The following RAG1 variants were observed in gnomAD, a reference collection of about 807,000 sequenced individuals.
RAG1 encodes V(D)J recombination-activating protein 1.
A neutral mutation model predicts 62.7 loss-of-function variants in RAG1; 35 were observed. The ratio of observed to expected loss-of-function variants is 0.56; its 90% confidence interval spans 0.43 to 0.74. The LOEUF (loss-of-function observed/expected upper bound fraction) is 0.74, where lower values mean the gene tolerates loss of function less well. Ranked by LOEUF, RAG1 falls within the 30% of genes least tolerant of loss-of-function variation. The pLI, the probability that RAG1 is intolerant of heterozygous loss-of-function variation, is 0.00. For synonymous variants in RAG1, 461 were observed against 470.3 expected, an observed-to-expected ratio of 0.98 and a Z score of 0.26; for missense variants, 1,169 against 1,278.6, an observed-to-expected ratio of 0.91 and a Z score of 1.31.
Position 36,576,078 on chromosome 11 carries a change from C to T in RAG1, c.2774C>T (p.Thr925Met), listed in dbSNP as rs144893101. 70 of 1,613,996 alleles carry T rather than the reference C, an allele frequency of 4.3e-5. No homozygotes were observed. The African/African-American group carries it at 6.4e-4, about 15-fold the overall frequency. ...CAGCGTTTTGCTGAGCTCCTTTCTA[C>T]GAAGTTCAAGTATAGGTATGAGGGA... is the stretch of plus-strand genomic sequence containing the variant. Reference protein sequence around the residue: ...NSQRFAELLSTKFKYRYEGKI... With the variant: ...NSQRFAELLSMKFKYRYEGKI... Residue 925 changes from threonine to methionine, a missense_variant, in exon 2 of 2, where the codon ACG becomes ATG. Transcript: ENST00000299440.
chr11:36,557,368 G>C (rs1290035239), intron 3 of RAG1, among the ~76,000 whole-genome samples: 4 of 124,126 alleles, frequency 3.2e-5, no homozygotes, highest in Non-Finnish European at 6.5e-5. Flanking sequence ...GGAGTGACCC[G>C]ATTTTCCAGG....
At position 36,529,875 on chromosome 11, in the gene RAG1, G is replaced by A. The variant is rs145930429; in HGVS notation, n.429-6084G>A. On this transcript the variant is annotated intron_variant and non_coding_transcript_variant, in intron 2 of 2. Transcript: ENST00000529126. ...TGGTTTTTTTTTTCTCTTATTTTCCGGAAAAGATTGTGTACAATTGATGTC... is the reference window on the plus strand; with the variant it reads ...TGGTTTTTTTTTTCTCTTATTTTCCAGAAAAGATTGTGTACAATTGATGTC... Among the ~76,000 whole-genome samples the A allele has an allele frequency of 1.0e-3, 153 of 151,350 alleles. 1 individual carries two copies. The highest frequency in any genetic ancestry group is 3.4e-3 in the African/African-American group (139 of 41,248).
chr11:36,519,202 G>A (rs1172727295), intron 1 of RAG1, among the ~76,000 whole-genome samples: 1 of 151,998 alleles, frequency 6.6e-6, no homozygotes, highest in Non-Finnish European at 1.5e-5. Flanking sequence ...GGATATAAAG[G>A]GTCAATATTA....
intron 3 of RAG1, among the ~76,000 whole-genome samples, chr11:36,551,380 G>A (rs1035192606): frequency 2.0e-5 from 3 of 152,018 alleles, no homozygotes; most frequent in East Asian, 1.9e-4. Context: ...AACAACCAAC[G>A]TTTATTTTCT....
At chr11:36,523,437 G>A (rs1027966332) in intron 2 of RAG1, among the ~76,000 whole-genome samples, 35 of 152,198 alleles carry the variant, frequency 2.3e-4, no homozygotes, top group African/African-American at 7.7e-4. Context: ...CCCCAGCCAT[G>A]TGGAACTGTA....
chr11:36,539,867 G>A (rs184258713), downstream of RAG1, among the ~76,000 whole-genome samples: 24 of 152,328 alleles, frequency 1.6e-4, no homozygotes, highest in Admixed American at 1.1e-3. Flanking sequence ...ATTTGGGAAA[G>A]AAGAATTCAT....
At position 36,560,335 on chromosome 11, in the gene RAG1, G is replaced by A. The variant is rs1850565020; in HGVS notation, c.-411-3050G>A. 2.0e-5 allele frequency among the ~76,000 whole-genome samples: 3 copies of A among 152,098 alleles called. No individual in the cohort carries two copies. In the South Asian group the frequency reaches 6.2e-4, roughly 32 times the overall value. Reference sequence around the variant, plus strand: ...GCATGGCAGTGCCCCTGGTCTTAGGGGAGGTTTATTTCCTATTCTACACTA... The same window carrying A: ...GCATGGCAGTGCCCCTGGTCTTAGGAGAGGTTTATTTCCTATTCTACACTA... On this transcript the variant is annotated intron_variant and NMD_transcript_variant, in intron 3 of 9. Transcript: ENST00000534663.
At chr11:36,550,000 C>G (rs1850459117) in intron 3 of RAG1, among the ~76,000 whole-genome samples, 1 of 152,038 alleles carries the variant, frequency 6.6e-6, no homozygotes, top group Non-Finnish European at 1.5e-5. Context: ...TCATTCTCAG[C>G]AAACTAACAC....
chr11:36,533,827 TATG>T (rs1860289165), intron 2 of RAG1, among the ~76,000 whole-genome samples: 1 of 152,222 alleles, frequency 6.6e-6, no homozygotes, highest in Admixed American at 6.5e-5. Flanking sequence ...TGATCGTATG[TATG>T]ATATTAATTA....
At chr11:36,562,248 A>T (rs1159597848) in intron 3 of RAG1, among the ~76,000 whole-genome samples, 1 of 152,188 alleles carries the variant, frequency 6.6e-6, no homozygotes. Flanking sequence ...TGAAGTGTAG[A>T]GTTGCCATTA....
At chr11:36,517,076 G>T (rs1860006427) in intron 1 of RAG1, among the ~76,000 whole-genome samples, 1 of 152,214 alleles carries the variant, frequency 6.6e-6, no homozygotes, top group Non-Finnish European at 1.5e-5. Flanking sequence ...ACAGGAGGAA[G>T]TGTCCCAAAC....
At chr11:36,528,307 T>G (rs1050390744) in intron 2 of RAG1, among the ~76,000 whole-genome samples, 5 of 152,138 alleles carry the variant, frequency 3.3e-5, no homozygotes, top group East Asian at 1.9e-4. Flanking sequence ...CAGACCACAA[T>G]GCAATCAAAT....
intron 2 of RAG1, among the ~76,000 whole-genome samples, chr11:36,534,119 A>G (rs568907764): frequency 6.6e-6 from 1 of 152,200 alleles, no homozygotes; most frequent in Non-Finnish European, 1.5e-5. Context: ...TATCTATTTC[A>G]TATTTATAAT....
intron 1 of RAG1, among the ~76,000 whole-genome samples, chr11:36,519,825 C>T (rs1860050605): frequency 6.6e-6 from 1 of 152,160 alleles, no homozygotes; most frequent in Non-Finnish European, 1.5e-5. Context: ...CACCAACCCA[C>T]ACCCACAACT....
chr11:36,533,448 G>C (rs1003655564), intron 2 of RAG1, among the ~76,000 whole-genome samples: 1 of 152,180 alleles, frequency 6.6e-6, no homozygotes, highest in African/African-American at 2.4e-5. Flanking sequence ...AGTGCACAGT[G>C]CACCTACTTA....
chr11:36,516,935 AT>A (rs1209142146), intron 1 of RAG1, among the ~76,000 whole-genome samples: 5 of 152,200 alleles, frequency 3.3e-5, no homozygotes, highest in Admixed American at 6.5e-5. Context: ...GTTTATCTGT[AT>A]TTTGAAACAA....
At position 36,573,483 on chromosome 11, in the gene RAG1, A is replaced by T. The variant is rs764535849; in HGVS notation, c.179A>T (p.Glu60Val). 18 of 1,614,102 alleles carry T rather than the reference A, an allele frequency of 1.1e-5. No individual in the cohort carries two copies. The South Asian group carries it at 1.6e-4, about 15-fold the overall frequency. Residue 60 changes from glutamate (E) to valine (V), a missense_variant, in exon 2 of 2, where the codon GAG (glutamate) becomes GTG (valine). Physicochemically the swap from Glu to Val is moderately radical, Grantham distance 121. Coordinates refer to ENST00000299440, the MANE Select transcript of RAG1 (RefSeq NM_000448.3). Reference protein sequence around the residue: ...KDSFEGKPSLEQSPAVLDKAD... With the variant: ...KDSFEGKPSLVQSPAVLDKAD... Reference sequence around the variant, plus strand: ...TCCTTTGAGGGGAAACCCTCTCTGGAGCAATCTCCAGCAGTCCTGGACAAG... The same window carrying T: ...TCCTTTGAGGGGAAACCCTCTCTGGTGCAATCTCCAGCAGTCCTGGACAAG...
chr11:36,568,998 T>A lies in RAG1; in HGVS notation c.-15+876T>A, dbSNP rs148329600. On this transcript the variant is annotated intron_variant, in intron 1 of 1. Coordinates refer to ENST00000299440, the MANE Select transcript of RAG1 (RefSeq NM_000448.3). ...GTGGAACAGGTGTGATAATGAGAGG[T>A]CACACTTGAGCACACAGTTATTACT... Among the ~76,000 whole-genome samples the A allele has an allele frequency of 2.6e-5, 4 of 152,200 alleles. No individual in the cohort carries two copies. In the East Asian group the frequency reaches 5.8e-4, roughly 22 times the overall value.
intron 1 of RAG1, 121 bp downstream of exon 1, chr11:36,568,243 C>A (rs934055099): frequency 1.3e-5 from 2 of 151,956 alleles, no homozygotes; most frequent in African/African-American, 4.8e-5. Flanking sequence ...AGCAAAGCTA[C>A]ATCAATTTTT....
Sources: allele counts gnomAD v4.1 joint callset (sites outside exome capture counted in the v4.1 genomes callset), GRCh38; gene constraint gnomAD v4.1.1; transcripts MANE v1.5; gene names NCBI Gene and HGNC (gene_info 2026-07-23, HGNC 2026-07-21).